The following ANO7 variants were observed in gnomAD, a reference collection of about 807,000 sequenced individuals.
ANO7 encodes anoctamin-7.
Under a neutral mutation model 115.8 loss-of-function variants are expected in ANO7, and 114 were observed. That is an observed-to-expected ratio of 0.98 (90% CI 0.85 to 1.15). The LOEUF (loss-of-function observed/expected upper bound fraction) is 1.15, where lower values mean the gene tolerates loss of function less well. ANO7 is among the 50% of genes most tolerant of loss of function. ANO7 has a pLI of 0.00. For missense variants in ANO7, 1,302 were observed against 1,201.2 expected (o/e 1.08, Z -1.24); for synonymous variants, 550 against 498.2 (o/e 1.10, Z -1.38).
chr2:241,215,647 C>T (rs1326589113), intron 18 of ANO7, among the ~76,000 whole-genome samples: 2 of 152,206 alleles, frequency 1.3e-5, no homozygotes, highest in East Asian at 1.9e-4. Flanking sequence ...GAGCAGGGCA[C>T]GGATGAGTGA....
the ANO7 span, among the ~76,000 whole-genome samples, chr2:241,237,774 ATG>A: frequency 1.3e-5 from 2 of 152,250 alleles, no homozygotes; most frequent in Admixed American, 6.5e-5. Context: ...GTGCCACAGG[ATG>A]TGTCTTTATA....
At chr2:241,194,426 C>T (rs1306147449) in intron 3 of ANO7, among the ~76,000 whole-genome samples, 4 of 151,426 alleles carry the variant, frequency 2.6e-5, no homozygotes, top group Admixed American at 1.3e-4. Flanking sequence ...ACCATTCTCC[C>T]GCCTCAGCCT....
At chr2:241,235,547 G>A in the ANO7 span, 3 of 1,614,128 alleles carry the variant, frequency 1.9e-6, no homozygotes, top group Non-Finnish European at 2.5e-6. Flanking sequence ...TAACGTAACG[G>A]TGAAGGTCAA....
intron 5 of ANO7, among the ~76,000 whole-genome samples, chr2:241,199,762 G>A (rs1471157265): frequency 6.6e-6 from 1 of 152,232 alleles, no homozygotes; most frequent in Non-Finnish European, 1.5e-5. Context: ...TCAGGAAGAT[G>A]GGCCTGGACG....
chr2:241,212,520 G>C (rs2068739292), intron 16 of ANO7, 52 bp from the exon 17 acceptor site: 1 of 1,577,810 alleles, frequency 6.3e-7, no homozygotes, highest in East Asian at 2.3e-5. Context: ...CAGGGAAGTG[G>C]GAGGAGACAG....
chr2:241,192,905 G>A (rs1292061671), intron 3 of ANO7, among the ~76,000 whole-genome samples: 6 of 152,116 alleles, frequency 3.9e-5, no homozygotes, highest in Admixed American at 6.6e-5. Flanking sequence ...GTGGGTGCCA[G>A]GGGCTGGGGA....
At chr2:241,217,305 C>T (rs2068854011) in intron 19 of ANO7, among the ~76,000 whole-genome samples, 1 of 152,228 alleles carries the variant, frequency 6.6e-6, no homozygotes, top group Non-Finnish European at 1.5e-5. Context: ...TAATTCTCGG[C>T]GAAGACCCAG....
the ANO7 span, among the ~76,000 whole-genome samples, chr2:241,232,126 G>A: frequency 6.6e-6 from 1 of 152,236 alleles, no homozygotes; most frequent in Non-Finnish European, 1.5e-5. Flanking sequence ...AGAGCTGACA[G>A]CCTCAGGCAC....
chr2:241,232,275 CTTTTTTT>C, the ANO7 span, among the ~76,000 whole-genome samples: 1 of 143,462 alleles, frequency 7.0e-6, no homozygotes, highest in South Asian at 2.2e-4. Context: ...TAAACAATGA[CTTTTTTT>C]TTTTTTTTTT....
chr2:241,191,620 C>T (rs1198324318), intron 3 of ANO7, among the ~76,000 whole-genome samples: 2 of 152,096 alleles, frequency 1.3e-5, no homozygotes, highest in Non-Finnish European at 2.9e-5. Context: ...CTCTTTGATC[C>T]ACCCCCAACC....
chr2:241,237,885 A>C, the ANO7 span, among the ~76,000 whole-genome samples: 1 of 152,218 alleles, frequency 6.6e-6, no homozygotes, highest in African/African-American at 2.4e-5. Flanking sequence ...TCCTACTCAA[A>C]ACACCCTGTA....
downstream of ANO7, chr2:241,229,984 C>A (rs1488069827): frequency 1.3e-6 from 2 of 1,583,978 alleles, no homozygotes; most frequent in Non-Finnish European, 1.7e-6. Flanking sequence ...GACAGGAAGA[C>A]AGGGTCAGTC....
At chr2:241,228,832 G>GT (rs1348407671), downstream of ANO7, 1 of 152,844 alleles carries the variant, frequency 6.5e-6, no homozygotes, top group Non-Finnish European at 1.5e-5. Context: ...CCCCCAACCT[G>GT]TGCGCATCTC....
chr2:241,212,826 T>C, intron 17 of ANO7, 200 bp downstream of exon 17: 1 of 579,170 alleles, frequency 1.7e-6, no homozygotes, highest in South Asian at 2.0e-5. Context: ...ATATGCCCCA[T>C]TCAGAACCAC....
chr2:241,218,744 G>GA (rs1484988351), intron 21 of ANO7, among the ~76,000 whole-genome samples: 2 of 152,194 alleles, frequency 1.3e-5, no homozygotes, highest in Non-Finnish European at 2.9e-5. Flanking sequence ...GGAGCTCGCC[G>GA]AAAAAGAAAT....
intron 4 of ANO7, among the ~76,000 whole-genome samples, chr2:241,198,176 C>T (rs925103734): frequency 2.6e-5 from 4 of 152,200 alleles, no homozygotes; most frequent in Admixed American, 2.0e-4. Flanking sequence ...CTCATTCCCA[C>T]GTTGCCTACT....
chr2:241,204,805 C>T, intron 9 of ANO7, 60 bp from the exon 10 acceptor site: 1 of 1,413,326 alleles, frequency 7.1e-7, no homozygotes, highest in Non-Finnish European at 9.9e-7. Flanking sequence ...TGTGCAGACC[C>T]CTACCTGGGG....
chr2:241,215,471 C>A (rs2068809437), intron 18 of ANO7, among the ~76,000 whole-genome samples: 1 of 152,228 alleles, frequency 6.6e-6, no homozygotes, highest in South Asian at 2.1e-4. Context: ...GATCTGCCCC[C>A]AGAAGGCAGC....
At chr2:241,232,379 G>C in the ANO7 span, among the ~76,000 whole-genome samples, 1 of 151,810 alleles carries the variant, frequency 6.6e-6, no homozygotes, top group African/African-American at 2.4e-5. Context: ...GCGTTCAAGC[G>C]ATTCTCACGT....
Sources: gnomAD v4.1 joint callset for allele counts (sites outside exome capture counted in the v4.1 genomes callset) on GRCh38, gnomAD v4.1.1 for gene constraint, MANE v1.5 for transcripts, NCBI Gene and HGNC (gene_info 2026-07-23, HGNC 2026-07-21) for gene names.